Variants in KIF13B observed in about 807,000 individuals in gnomAD.
The protein encoded by KIF13B is kinesin-like protein KIF13B.
A neutral mutation model predicts 222.0 loss-of-function variants in KIF13B; 127 were observed. The ratio of observed to expected loss-of-function variants is 0.57; its 90% CI spans 0.50 to 0.66. The LOEUF (loss-of-function observed/expected upper bound fraction) is 0.66. Among genes scored for constraint, KIF13B ranks in the 30% least tolerant of loss-of-function variants. KIF13B has a pLI of 0.00. For synonymous variants in KIF13B, 976 were observed against 919.0 expected (o/e 1.06, Z -1.12); for missense variants, 2,173 against 2,379.0 (o/e 0.91, Z 1.80).
chr8:29,072,567 G>A (rs983238049), intron 38 of KIF13B, among the ~76,000 whole-genome samples: 4 of 152,174 alleles, frequency 2.6e-5, no homozygotes, highest in Non-Finnish European at 4.4e-5. Flanking sequence ...CCAGGCCCTG[G>A]TTCCCACACT....
chr8:29,076,865 C>T (rs1807586105), intron 37 of KIF13B, among the ~76,000 whole-genome samples: 1 of 152,162 alleles, frequency 6.6e-6, no homozygotes, highest in South Asian at 2.1e-4. Flanking sequence ...GTCCCAGCTC[C>T]TCAGGAGGCT....
At chr8:29,073,730 T>C (rs1335353559) in intron 38 of KIF13B, among the ~76,000 whole-genome samples, 3 of 152,216 alleles carry the variant, frequency 2.0e-5, no homozygotes, top group African/African-American at 7.2e-5. Flanking sequence ...CCTCAGCAGC[T>C]TGATAAATCA....
intron 37 of KIF13B, among the ~76,000 whole-genome samples, chr8:29,083,827 T>C (rs775505991): frequency 6.6e-6 from 1 of 152,176 alleles, no homozygotes. Context: ...GGTATTAAAC[T>C]ACAGAGAAAA....
At chr8:29,204,650 A>G (rs1430873522) in intron 2 of KIF13B, among the ~76,000 whole-genome samples, 1 of 152,256 alleles carries the variant, frequency 6.6e-6, no homozygotes, top group Non-Finnish European at 1.5e-5. Flanking sequence ...TTCACAGGGT[A>G]ATACACACTC....
At chr8:29,261,902 A>G (rs919230427) in intron 1 of KIF13B, among the ~76,000 whole-genome samples, 1 of 152,206 alleles carries the variant, frequency 6.6e-6, no homozygotes, top group African/African-American at 2.4e-5. Context: ...ATACAAAAGA[A>G]AGCAAAGAAG....
At chr8:29,101,550 C>T (rs1179872065) in intron 35 of KIF13B, among the ~76,000 whole-genome samples, 1 of 152,102 alleles carries the variant, frequency 6.6e-6, no homozygotes, top group Non-Finnish European at 1.5e-5. Flanking sequence ...GCAGGCACTA[C>T]CCAATCAGAA....
At chr8:29,177,098 GGTT>G (rs1401656472) in intron 9 of KIF13B, among the ~76,000 whole-genome samples, 2 of 152,162 alleles carry the variant, frequency 1.3e-5, no homozygotes, top group Admixed American at 1.3e-4. Flanking sequence ...GAACAGCCAT[GGTT>G]GTTGAAAGTG....
chr8:29,148,653 G>T lies in KIF13B; in HGVS notation c.1737C>A (p.Ser579Arg). 6.2e-7 allele frequency: 1 copy of T among 1,612,922 alleles called. No individual in the cohort carries two copies. The highest frequency in any genetic ancestry group is 2.2e-5 in the East Asian group (1 of 44,860). Residue 579 changes from serine to arginine, a missense_variant, in exon 16 of 40, where the codon AGC (serine) becomes AGA (arginine). Transcript: ENST00000524189. ...EQLDVDGDSSSEVSSEVNFNY... is the reference protein window; with the variant it reads ...EQLDVDGDSSREVSSEVNFNY... Reference sequence around the variant, plus strand: ...TAAAGTTAACTTCACTGGACACCTCGCTGGAGGAGTCTCCGTCTACATCCA... The same window carrying T: ...TAAAGTTAACTTCACTGGACACCTCTCTGGAGGAGTCTCCGTCTACATCCA...
intron 2 of KIF13B, among the ~76,000 whole-genome samples, chr8:29,244,288 C>T (rs550736012): frequency 6.6e-6 from 1 of 152,360 alleles, no homozygotes; most frequent in East Asian, 1.9e-4. Flanking sequence ...GCTGGGATTA[C>T]AGGCGTCAGC....
chr8:29,137,098 C>T (rs1398019933), intron 21 of KIF13B, among the ~76,000 whole-genome samples: 2 of 152,126 alleles, frequency 1.3e-5, no homozygotes, highest in East Asian at 1.9e-4. Flanking sequence ...CCGCGCCCGG[C>T]CCTGTGACAG....
At chr8:29,147,332 G>A in intron 17 of KIF13B, 60 bp downstream of exon 17, 1 of 1,203,370 alleles carries the variant, frequency 8.3e-7, no homozygotes, top group Admixed American at 2.0e-5. Flanking sequence ...ACTTTCCCTA[G>A]GTGTGTTAGA....
chr8:29,171,676 GAA>G (rs372998659), intron 10 of KIF13B, among the ~76,000 whole-genome samples: 3 of 108,000 alleles, frequency 2.8e-5, no homozygotes, highest in Admixed American at 2.0e-4. Flanking sequence ...CATGTTTTGC[GAA>G]AAAAAAAAAA....
At chr8:29,186,159 G>T in intron 6 of KIF13B, 133 bp downstream of exon 6, 1 of 665,340 alleles carries the variant, frequency 1.5e-6, no homozygotes, top group Non-Finnish European at 2.6e-6. Flanking sequence ...AGTAAGCTAT[G>T]ATTGTGCCAC....
At position 29,105,650 on chromosome 8, in the gene KIF13B, GTTTTT is replaced by G. The variant is rs869030059; in HGVS notation, c.4215+2484_4215+2488del. Reference sequence around the variant, plus strand: ...AAGGAAACTGGGCAGAGTTTGTTTGGTTTTTTTTTTTTTTTTTTTTTTTTTTGAGA... The same window carrying G: ...AAGGAAACTGGGCAGAGTTTGTTTGGTTTTTTTTTTTTTTTTTTTTTGAGA... On this transcript the variant is annotated intron_variant, in intron 35 of 39. Coordinates refer to ENST00000524189, the MANE Select transcript of KIF13B (RefSeq NM_015254.4). 1.8e-4 allele frequency among the ~76,000 whole-genome samples: 14 copies of G among 78,070 alleles called. No individual in the cohort carries two copies. In the East Asian group the frequency reaches 1.9e-3, roughly 10 times the overall value. The allele number at this position is 78,070 out of a possible 152,430, so 51.2% of individuals were successfully genotyped here.
At chr8:29,181,176 C>A (rs1360730593) in intron 7 of KIF13B, among the ~76,000 whole-genome samples, 1 of 152,138 alleles carries the variant, frequency 6.6e-6, no homozygotes, top group African/African-American at 2.4e-5. Context: ...GTTCTAAGAG[C>A]CATCTTGAAC....
At chr8:29,172,601 T>C (rs1052704558) in intron 10 of KIF13B, among the ~76,000 whole-genome samples, 1 of 152,236 alleles carries the variant, frequency 6.6e-6, no homozygotes, top group African/African-American at 2.4e-5. Context: ...GTGAGTATCC[T>C]TCTAATGAAA....
At chr8:29,136,966 AT>A (rs1810589987) in intron 21 of KIF13B, among the ~76,000 whole-genome samples, 1 of 151,272 alleles carries the variant, frequency 6.6e-6, no homozygotes, top group Non-Finnish European at 1.5e-5. Flanking sequence ...CGCCCGGCTA[AT>A]TTTTTTGTAT....
intron 2 of KIF13B, among the ~76,000 whole-genome samples, chr8:29,225,668 T>G (rs1474143336): frequency 6.6e-6 from 1 of 152,232 alleles, no homozygotes; most frequent in Non-Finnish European, 1.5e-5. Flanking sequence ...TAAACCTTCC[T>G]GTGTCTGGCT....
At chr8:29,121,361 T>C (rs1181194380) in intron 29 of KIF13B, among the ~76,000 whole-genome samples, 6 of 53,458 alleles carry the variant, frequency 1.1e-4, no homozygotes, top group Admixed American at 8.8e-4. Flanking sequence ...AACAGAGATA[T>C]AGATCAATGG....
Sources: allele counts gnomAD v4.1 joint callset (sites outside exome capture counted in the v4.1 genomes callset), GRCh38; gene constraint gnomAD v4.1.1; transcripts MANE v1.5; gene names NCBI Gene and HGNC (gene_info 2026-07-23, HGNC 2026-07-21).